Variants in CCNY observed in about 807,000 individuals in gnomAD.
CCNY encodes cyclin-Y.
Under a neutral mutation model 42.8 loss-of-function variants are expected in CCNY, and 19 were observed. The observed-to-expected ratio is 0.44, with a 90% CI of 0.31 to 0.65. CCNY has a LOEUF of 0.65. CCNY is among the 30% of genes least tolerant of loss of function. CCNY has a pLI of 0.07. For synonymous variants in CCNY, 165 were observed against 162.7 expected, an observed-to-expected ratio of 1.01 and a Z score of -0.11; for missense variants, 370 against 437.3, an observed-to-expected ratio of 0.85 and a Z score of 1.37.
At chr10:35,501,170 G>T (rs1840103029) in intron 2 of CCNY, among the ~76,000 whole-genome samples, 1 of 152,168 alleles carries the variant, frequency 6.6e-6, no homozygotes, top group African/African-American at 2.4e-5. Context: ...TGTTAATTAT[G>T]TTAAACTAAT....
At chr10:35,476,285 T>C in intron 1 of CCNY, among the ~76,000 whole-genome samples, 1 of 152,122 alleles carries the variant, frequency 6.6e-6, no homozygotes, top group South Asian at 2.1e-4. Flanking sequence ...CAAGCAGACC[T>C]AATAGACATC....
chr10:35,483,235 A>C (rs948030067), intron 1 of CCNY, among the ~76,000 whole-genome samples, 169 bp from the exon 2 acceptor site: 1 of 152,228 alleles, frequency 6.6e-6, no homozygotes, highest in Non-Finnish European at 1.5e-5. Flanking sequence ...ATATTTCTAA[A>C]TAGCAGTGTT....
At chr10:35,347,366 G>A in intron 1 of CCNY, 1 of 774,496 alleles carries the variant, frequency 1.3e-6, no homozygotes, top group Non-Finnish European at 1.6e-6. Context: ...AGAAATCCCA[G>A]TTGGGTGGTG....
intron 3 of CCNY, among the ~76,000 whole-genome samples, chr10:35,281,223 A>G (rs1835295813): frequency 6.6e-6 from 1 of 152,208 alleles, no homozygotes; most frequent in African/African-American, 2.4e-5. Flanking sequence ...TTTCACTCCT[A>G]GGTATGCACC....
intron 8 of CCNY, among the ~76,000 whole-genome samples, chr10:35,563,100 A>AT (rs1163115978): frequency 1.3e-5 from 2 of 152,142 alleles, no homozygotes; most frequent in Non-Finnish European, 2.9e-5. Context: ...TAGTTTTCTG[A>AT]TAATTTATCA....
At chr10:35,389,501 A>G (rs1294647794) in intron 1 of CCNY, among the ~76,000 whole-genome samples, 1 of 138,646 alleles carries the variant, frequency 7.2e-6, no homozygotes, top group Non-Finnish European at 1.5e-5. Flanking sequence ...GTGCAGTGGT[A>G]TGATCTCGGC....
intron 1 of CCNY, among the ~76,000 whole-genome samples, chr10:35,391,261 A>G (rs1589084460): frequency 6.6e-6 from 1 of 152,114 alleles, no homozygotes; most frequent in South Asian, 2.1e-4. Flanking sequence ...CTAGGGTTGG[A>G]CCGCACAGTT....
intron 3 of CCNY, among the ~76,000 whole-genome samples, chr10:35,330,537 T>C (rs1052716651): frequency 6.6e-6 from 1 of 152,208 alleles, no homozygotes; most frequent in African/African-American, 2.4e-5. Context: ...TACCAATTCC[T>C]GGCTAGATCG....
At position 35,336,928 on chromosome 10, in the gene CCNY, C is replaced by A; in HGVS notation, c.-126C>A. 1 of 602,584 alleles carries A rather than the reference C, an allele frequency of 1.7e-6. No individual in the cohort carries two copies. Among genetic ancestry groups the A allele is most frequent in the South Asian group, 7.2e-5 (1 of 13,954 alleles). The allele number at this position is 602,584 out of a possible 1,614,324, so 37.3% of individuals were successfully genotyped here. A position where few individuals can be genotyped will look rare whatever the true frequency, so the allele number is the denominator to read the frequency against. The stretch of plus-strand genomic sequence containing the variant: ...CGGCGGCCGGCCGCCGTTCCGCCCC[C>A]TCCCGTGGCGGCGAGCGGGCGGGCC... On this transcript the variant is annotated 5_prime_UTR_variant, in exon 1 of 10. Coordinates refer to ENST00000374704, the MANE Select transcript of CCNY (RefSeq NM_145012.6).
chr10:35,541,876 A>T (rs1478829099), intron 7 of CCNY, among the ~76,000 whole-genome samples: 1 of 149,304 alleles, frequency 6.7e-6, no homozygotes, highest in Non-Finnish European at 1.5e-5. Context: ...TCTAGTTGTC[A>T]TTATCCAGCA....
chr10:35,370,035 T>C (rs1216975696), intron 1 of CCNY, among the ~76,000 whole-genome samples: 1 of 152,228 alleles, frequency 6.6e-6, no homozygotes, highest in Non-Finnish European at 1.5e-5. Flanking sequence ...ACTGCTTTAG[T>C]TCATACAGGC....
At chr10:35,261,852 C>T (rs1415782435) in intron 3 of CCNY, among the ~76,000 whole-genome samples, 1 of 152,024 alleles carries the variant, frequency 6.6e-6, no homozygotes, top group East Asian at 1.9e-4. Context: ...AAAACCCCGT[C>T]TCTACTAAAA....
intron 1 of CCNY, among the ~76,000 whole-genome samples, chr10:35,397,442 C>G (rs1423783538): frequency 6.6e-6 from 1 of 152,214 alleles, no homozygotes; most frequent in Non-Finnish European, 1.5e-5. Context: ...TAGCTTGTCG[C>G]AGACCCTACC....
chr10:35,435,043 C>T (rs896310138), intron 1 of CCNY, among the ~76,000 whole-genome samples: 1 of 152,182 alleles, frequency 6.6e-6, no homozygotes, highest in African/African-American at 2.4e-5. Flanking sequence ...AAACCCAAAG[C>T]CCCCCTGCCT....
At chr10:35,330,415 G>A (rs565247575) in intron 3 of CCNY, among the ~76,000 whole-genome samples, 18 of 152,196 alleles carry the variant, frequency 1.2e-4, no homozygotes, top group African/African-American at 4.3e-4. Context: ...TCTCCTATAG[G>A]GAGCCAAGTA....
intron 3 of CCNY, among the ~76,000 whole-genome samples, chr10:35,279,407 C>A (rs942609652): frequency 6.6e-6 from 1 of 152,144 alleles, no homozygotes; most frequent in Non-Finnish European, 1.5e-5. Flanking sequence ...AGCCACTGCT[C>A]CTGGTCATGC....
intron 3 of CCNY, among the ~76,000 whole-genome samples, chr10:35,509,049 T>C (rs112808352): frequency 5.6e-4 from 86 of 152,370 alleles, no homozygotes; most frequent in Non-Finnish European, 8.4e-4. Flanking sequence ...TTCATCCGTG[T>C]ATCTCAGTAC....
chr10:35,372,978 A>G (rs1836971549), intron 1 of CCNY, among the ~76,000 whole-genome samples: 1 of 152,220 alleles, frequency 6.6e-6, no homozygotes, highest in Admixed American at 6.5e-5. Context: ...GATTATAGGC[A>G]TGAGGCACCA....
intron 3 of CCNY, among the ~76,000 whole-genome samples, chr10:35,323,752 C>T (rs1464091111): frequency 6.6e-6 from 1 of 152,148 alleles, no homozygotes; most frequent in African/African-American, 2.4e-5. Flanking sequence ...GGCGTGGTGG[C>T]TCCCACCTGT....
Sources: gnomAD v4.1 joint callset for allele counts (sites outside exome capture counted in the v4.1 genomes callset) on GRCh38, gnomAD v4.1.1 for gene constraint, MANE v1.5 for transcripts, NCBI Gene and HGNC (gene_info 2026-07-23, HGNC 2026-07-21) for gene names.